The following CYRIB variants were observed in gnomAD, a reference collection of about 807,000 sequenced individuals.
CYRIB encodes the protein CYFIP related Rac1 interactor B, also known as CYFIP-related Rac1 interactor B.
Under a neutral mutation model 44.2 loss-of-function variants are expected in CYRIB, and 8 were observed. The ratio of observed to expected loss-of-function variants is 0.18; its 90% confidence interval spans 0.11 to 0.33. The LOEUF (loss-of-function observed/expected upper bound fraction) is 0.33, where lower values mean the gene tolerates loss of function less well. CYRIB is among the 10% of genes least tolerant of loss of function. The pLI is 1.00. For missense variants in CYRIB, 185 were observed against 382.8 expected (o/e 0.48, Z 4.31); for synonymous variants, 131 against 127.2 (o/e 1.03, Z -0.20).
chr8:129,910,805 AC>A (rs2077585372), intron 1 of CYRIB, among the ~76,000 whole-genome samples: 8 of 152,092 alleles, frequency 5.3e-5, no homozygotes, highest in Admixed American at 5.2e-4. Flanking sequence ...CTAAAAACAA[AC>A]AAGAGAAACA....
At chr8:130,015,300 C>G (rs1032178190) in intron 1 of CYRIB, among the ~76,000 whole-genome samples, 1 of 152,198 alleles carries the variant, frequency 6.6e-6, no homozygotes, top group African/African-American at 2.4e-5. Flanking sequence ...TTTCTAGGTG[C>G]TGGGGATGCA....
At chr8:129,908,855 C>T (rs1264681853) in intron 1 of CYRIB, among the ~76,000 whole-genome samples, 1 of 152,030 alleles carries the variant, frequency 6.6e-6, no homozygotes, top group Non-Finnish European at 1.5e-5. Context: ...AAAACAAATA[C>T]CAAGGCATAT....
At chr8:130,012,447 T>C (rs1056558422) in intron 1 of CYRIB, among the ~76,000 whole-genome samples, 2 of 152,068 alleles carry the variant, frequency 1.3e-5, no homozygotes, top group Non-Finnish European at 2.9e-5. Flanking sequence ...GGGTAAGACA[T>C]TGGATGCAGG....
chr8:129,921,931 G>A (rs1275484033), intron 1 of CYRIB, among the ~76,000 whole-genome samples: 1 of 152,162 alleles, frequency 6.6e-6, no homozygotes, highest in Non-Finnish European at 1.5e-5. Flanking sequence ...TGAAGATGTT[G>A]AGAAGGCAAT....
chr8:129,981,806 C>G (rs1385601538), intron 1 of CYRIB, among the ~76,000 whole-genome samples: 1 of 152,194 alleles, frequency 6.6e-6, no homozygotes, highest in Non-Finnish European at 1.5e-5. Context: ...ACCTGGAGAA[C>G]TGCTTCCCGG....
At chr8:129,984,805 G>A (rs570330289) in intron 1 of CYRIB, among the ~76,000 whole-genome samples, 46 of 151,876 alleles carry the variant, frequency 3.0e-4, no homozygotes, top group Admixed American at 3.3e-4. Context: ...AGACAGTTTC[G>A]CTCTTGTTGC....
chr8:129,887,581 A>G (rs559463554), intron 2 of CYRIB, among the ~76,000 whole-genome samples: 1 of 152,290 alleles, frequency 6.6e-6, no homozygotes, highest in South Asian at 2.1e-4. Flanking sequence ...TGCACCATGC[A>G]CCTGGAAAAG....
At chr8:129,910,486 T>G (rs1411987589) in intron 1 of CYRIB, among the ~76,000 whole-genome samples, 1 of 125,516 alleles carries the variant, frequency 8.0e-6, no homozygotes, top group East Asian at 2.0e-4. Context: ...ACTTTTTTTT[T>G]TTTTTTTTTT....
chr8:129,906,083 C>T (rs564812784), intron 1 of CYRIB, among the ~76,000 whole-genome samples: 1 of 152,112 alleles, frequency 6.6e-6, no homozygotes, highest in South Asian at 2.1e-4. Context: ...ACTTTCTTCA[C>T]AGAATTGGAA....
At chr8:130,011,513 T>A (rs1389006173) in intron 1 of CYRIB, among the ~76,000 whole-genome samples, 1 of 147,292 alleles carries the variant, frequency 6.8e-6, no homozygotes, top group African/African-American at 2.5e-5. Context: ...AAAGCAAGAC[T>A]CCATCTCAAA....
intron 1 of CYRIB, among the ~76,000 whole-genome samples, chr8:129,999,308 T>C (rs1041920665): frequency 1.3e-5 from 2 of 152,080 alleles, no homozygotes; most frequent in African/African-American, 4.8e-5. Context: ...CCAAACATGC[T>C]GAACTGCATC....
At chr8:129,919,162 C>A (rs891092342) in intron 1 of CYRIB, among the ~76,000 whole-genome samples, 26 of 152,070 alleles carry the variant, frequency 1.7e-4, no homozygotes, top group Non-Finnish European at 5.9e-5. Flanking sequence ...CCGTGCCCAC[C>A]CAGCCTACAG....
intron 1 of CYRIB, among the ~76,000 whole-genome samples, chr8:129,978,480 C>A (rs1420160944): frequency 6.6e-6 from 1 of 152,154 alleles, no homozygotes; most frequent in African/African-American, 2.4e-5. Flanking sequence ...AAGCCTCGCG[C>A]TGTGGGCACC....
At chr8:129,885,408 ATAAAC>A (rs2062346256) in intron 2 of CYRIB, among the ~76,000 whole-genome samples, 1 of 152,228 alleles carries the variant, frequency 6.6e-6, no homozygotes, top group Non-Finnish European at 1.5e-5. Flanking sequence ...CATCCAGCTT[ATAAAC>A]GTATTAAAGA....
chr8:129,877,560 G>A (rs568834724), intron 3 of CYRIB, among the ~76,000 whole-genome samples: 249 of 151,684 alleles, frequency 1.6e-3, no homozygotes, highest in Non-Finnish European at 2.9e-3. Context: ...GAGGTGGGAG[G>A]ATCCCTTGAG....
chr8:129,843,785 A>T (rs1401872316), intron 11 of CYRIB: 1 of 152,232 alleles, frequency 6.6e-6, no homozygotes, highest in East Asian at 1.9e-4. Context: ...GTTCATTTCA[A>T]ATTAATTTAA....
chr8:129,852,117 G>A (rs543800998), intron 8 of CYRIB, 45 bp downstream of exon 10: 2 of 1,191,654 alleles, frequency 1.7e-6, no homozygotes, highest in Non-Finnish European at 2.3e-6. Context: ...TCTGCCAACA[G>A]GGGCATAAAT....
intron 2 of CYRIB, among the ~76,000 whole-genome samples, chr8:129,887,032 TTG>T (rs1371969862): frequency 2.0e-5 from 3 of 152,194 alleles, no homozygotes; most frequent in Non-Finnish European, 4.4e-5. Context: ...TGATTTGAAT[TTG>T]TGTCTCCGCC....
chr8:129,861,672 C>T (rs1478904437), intron 5 of CYRIB, among the ~76,000 whole-genome samples: 4 of 150,244 alleles, frequency 2.7e-5, no homozygotes, highest in African/African-American at 7.4e-5. Flanking sequence ...AGGCTGGTCT[C>T]GAACTCCTGA....
Sources: gnomAD v4.1 joint callset for allele counts (sites outside exome capture counted in the v4.1 genomes callset) on GRCh38, gnomAD v4.1.1 for gene constraint, MANE v1.5 for transcripts, NCBI Gene and HGNC (gene_info 2026-07-23, HGNC 2026-07-21) for gene names.